ACTG1: variants seen among roughly 807,000 people sequenced by gnomAD.
ACTG1 encodes the protein actin gamma 1.
A neutral mutation model predicts 34.3 loss-of-function variants in ACTG1; 14 were observed. That is an observed-to-expected ratio of 0.41 (90% CI 0.27 to 0.64). The LOEUF is 0.64. Ranked by LOEUF, ACTG1 falls within the 30% of genes least tolerant of loss-of-function variation. The pLI, the probability that ACTG1 is intolerant of heterozygous loss-of-function variation, is 0.33. For missense variants in ACTG1, 233 were observed against 529.5 expected (o/e 0.44, Z 5.50); for synonymous variants, 422 against 213.9 (o/e 1.97, Z -8.49).
chr17:81,510,842 A>ACAGCCAGGCACGGCTT lies in ACTG1; in HGVS notation c.985-25_985-10dup, dbSNP rs1555666408. 6 of 1,612,788 alleles carry ACAGCCAGGCACGGCTT rather than the reference A, an allele frequency of 3.7e-6. No homozygotes were observed. The highest frequency in any genetic ancestry group is 5.1e-6 in the Non-Finnish European group (6 of 1,179,886). On this transcript the variant is annotated splice_polypyrimidine_tract_variant and intron_variant, in intron 5 of 5. Transcript: ENST00000573283. ...TCTGGGGGTGCGATGATCTGCAAAG[A>ACAGCCAGGCACGGCTT]CAGCCAGGCACGGCTTCAGCTCACA...
intron 3 of ACTG1, 104 bp from the exon 4 acceptor site, chr17:81,511,730 GA>G: frequency 6.6e-7 from 1 of 1,519,100 alleles, no homozygotes; most frequent in Non-Finnish European, 8.9e-7. Flanking sequence ...GTGGAGAAAA[GA>G]AAAGAACGCA....
chr17:81,512,770 A>T lies in ACTG1; in HGVS notation c.-43T>A, dbSNP rs1057522087. ...CGCGACGGCGGAGCGGCGGAAGAAC[A>T]GAGTGCGAGAGCTGGCAGCGGCGAC... On this transcript the variant is annotated 5_prime_UTR_variant, in exon 1 of 6. Coordinates refer to ENST00000573283, the MANE Select transcript of ACTG1 (RefSeq NM_001614.5). 59 of 414,382 alleles carry T rather than the reference A, an allele frequency of 1.4e-4. No individual in the cohort carries two copies. The highest frequency in any genetic ancestry group is 1.4e-3 in the Admixed American group (50 of 36,222). The allele number at this position is 414,382 out of a possible 1,614,324, so 25.7% of individuals were successfully genotyped here. A position where few individuals can be genotyped will look rare whatever the true frequency, so the allele number is the denominator to read the frequency against.
Position 81,510,337 on chromosome 17 carries a change from G to A in ACTG1, c.*353C>T, listed in dbSNP as rs1266781990. The A allele has an allele frequency of 4.5e-6, 2 of 444,256 alleles. No individual in the cohort carries two copies. Among genetic ancestry groups the A allele is most frequent in the East Asian group, 6.3e-5 (1 of 15,824 alleles). The allele number at this position is 444,256 out of a possible 1,614,324, so 27.5% of individuals were successfully genotyped here. Reference sequence around the variant, plus strand: ...CCCTGACACGTTAATACCCTGCACAGATCAGAGGCTGCTGGCCACACAGAC... The same window carrying A: ...CCCTGACACGTTAATACCCTGCACAAATCAGAGGCTGCTGGCCACACAGAC... On this transcript the variant is annotated 3_prime_UTR_variant, in exon 6 of 6. Coordinates refer to ENST00000573283, the MANE Select transcript of ACTG1 (RefSeq NM_001614.5).
At chr17:81,512,543 G>C (rs555742227) in intron 1 of ACTG1, 183 bp from the exon 2 acceptor site, 4 of 992,430 alleles carry the variant, frequency 4.0e-6, no homozygotes, top group Non-Finnish European at 6.0e-6. Flanking sequence ...CGGCTCGGAA[G>C]TCTGCACTGC....
At chr17:81,512,200 A>C (rs2031846210) in intron 2 of ACTG1, 32 bp downstream of exon 2, 2 of 1,613,080 alleles carry the variant, frequency 1.2e-6, no homozygotes, top group Non-Finnish European at 1.7e-6. Context: ...CGCAACGCAG[A>C]ACCCAGGAGC....
At chr17:81,512,689 G>A (rs2031895324) in intron 1 of ACTG1, 45 bp downstream of exon 1, 1 of 398,630 alleles carries the variant, frequency 2.5e-6, no homozygotes, top group South Asian at 2.0e-5. Context: ...GTCGGGGGGC[G>A]CAGGCCTGCG....
chr17:81,511,494 A>AG lies in ACTG1; in HGVS notation c.495dup (p.Tyr166LeufsTer30). 1 of 1,613,900 alleles carries AG rather than the reference A, an allele frequency of 6.2e-7. No homozygotes were observed. ...GCGTGGGGGAGGGCGTAGCCCTCGTAGATGGGCACCGTGTGGGTGACCCCG... is the reference window on the plus strand; with the variant it reads ...GCGTGGGGGAGGGCGTAGCCCTCGTAGGATGGGCACCGTGTGGGTGACCCCG... On this transcript the variant is annotated frameshift_variant, in exon 4 of 6. Coordinates refer to ENST00000573283, the MANE Select transcript of ACTG1 (RefSeq NM_001614.5). LOFTEE classifies it high-confidence loss of function.
At position 81,511,115 on chromosome 17, in the gene ACTG1, G is replaced by A. The variant is rs150136833; in HGVS notation, c.803-7C>T. On this transcript the variant is annotated splice_polypyrimidine_tract_variant and splice_region_variant and intron_variant, in intron 4 of 5. Transcript: ENST00000573283. The stretch of plus-strand genomic sequence containing the variant: ...ATGCCGCAAGATTCCATACCTAGGG[G>A]ACAGAGCCCTCCCTTAGTGATGCTG... 78 of 1,613,952 alleles carry A rather than the reference G, an allele frequency of 4.8e-5. No homozygotes were observed. Among genetic ancestry groups the A allele is most frequent in the Middle Eastern group, 3.3e-4 (2 of 6,062 alleles).
At chr17:81,512,392 CGTCT>C in intron 1 of ACTG1, 32 bp from the exon 2 acceptor site, 1 of 1,613,614 alleles carries the variant, frequency 6.2e-7, no homozygotes, top group Non-Finnish European at 8.5e-7. Flanking sequence ...CAGGCGGGCG[CGTCT>C]GTAACACGGT....
chr17:81,512,713 G>C (rs1162594781), intron 1 of ACTG1, 21 bp downstream of exon 1: 3 of 406,914 alleles, frequency 7.4e-6, no homozygotes. Context: ...TCCAGCTCAG[G>C]CCCCGGGGCG....
chr17:81,510,464 G>A lies in ACTG1; in HGVS notation c.*226C>T, dbSNP rs1305226350. ...GGTTGAACTCAAAGATATGTACAGG[G>A]TATTAAACAAATACCAAGGGGAACA... is the stretch of plus-strand genomic sequence containing the variant. On this transcript the variant is annotated 3_prime_UTR_variant, in exon 6 of 6. Transcript: ENST00000573283. 3.9e-5 allele frequency: 27 copies of A among 698,002 alleles called. No individual in the cohort carries two copies. Among genetic ancestry groups the A allele is most frequent in the Admixed American group, 1.6e-4 (8 of 48,982 alleles). The allele number at this position is 698,002 out of a possible 1,614,324, so 43.2% of individuals were successfully genotyped here.
chr17:81,511,830 T>G, intron 3 of ACTG1, 73 bp downstream of exon 3: 1 of 1,607,842 alleles, frequency 6.2e-7, no homozygotes, highest in Non-Finnish European at 8.5e-7. Flanking sequence ...AACACTTAAA[T>G]GTCAGAAATC....
Position 81,512,056 on chromosome 17 carries a change from G to T in ACTG1, c.210C>A (p.Pro70=). The T allele has an allele frequency of 6.2e-7, 1 of 1,614,010 alleles. No individual in the cohort carries two copies. The highest frequency in any genetic ancestry group is 2.2e-5 in the East Asian group (1 of 44,878). The change falls in exon 3 of 6, where the codon CCC becomes CCA. Residue 70 remains proline, a synonymous_variant. Transcript: ENST00000573283. ...AGTTGGTGACGATGCCATGCTCAAT[G>T]GGGTACTTCAGGGTCAGGATGCCAC... ...SKRGILTLKY[P]IEHGIVTNWD...
In ACTG1 at chr17:81,512,798, A is replaced by C. The variant is rs1325480280; in HGVS notation, c.-71T>G. The C allele has an allele frequency of 1.5e-5, 6 of 409,266 alleles. No homozygotes were observed. The highest frequency in any genetic ancestry group is 8.8e-5 in the African/African-American group (4 of 45,476). The allele number at this position is 409,266 out of a possible 1,614,324, so 25.4% of individuals were successfully genotyped here. On this transcript the variant is annotated 5_prime_UTR_variant, in exon 1 of 6. Coordinates refer to ENST00000573283, the MANE Select transcript of ACTG1 (RefSeq NM_001614.5). ...GTGCGAGAGCTGGCAGCGGCGACTGAGACCGACCGCGGCCTCCCCCGCCGT... is the reference window on the plus strand; with the variant it reads ...GTGCGAGAGCTGGCAGCGGCGACTGCGACCGACCGCGGCCTCCCCCGCCGT...
At chr17:81,512,425 T>A (rs2031871369) in intron 1 of ACTG1, 65 bp from the exon 2 acceptor site, 1 of 1,612,572 alleles carries the variant, frequency 6.2e-7, no homozygotes, top group Non-Finnish European at 8.5e-7. Flanking sequence ...CACAGCCACC[T>A]AATGCCCTCC....
Position 81,512,775 on chromosome 17 carries a change from G to C in ACTG1, c.-48C>G, listed in dbSNP as rs567737230. 1 of 417,650 alleles carries C rather than the reference G, an allele frequency of 2.4e-6. No individual in the cohort carries two copies. The highest frequency in any genetic ancestry group is 2.7e-5 in the Admixed American group (1 of 37,048). 25.9% of individuals were successfully genotyped at this position (417,650 alleles called of 1,614,324 possible). A position where few individuals can be genotyped will look rare whatever the true frequency, so the allele number is the denominator to read the frequency against. On this transcript the variant is annotated 5_prime_UTR_variant, in exon 1 of 6. Transcript: ENST00000573283. Reference sequence around the variant, plus strand: ...CGGCGGAGCGGCGGAAGAACAGAGTGCGAGAGCTGGCAGCGGCGACTGAGA... The same window carrying C: ...CGGCGGAGCGGCGGAAGAACAGAGTCCGAGAGCTGGCAGCGGCGACTGAGA...
At chr17:81,511,729 AG>A (rs782689675) in intron 3 of ACTG1, 103 bp from the exon 4 acceptor site, 4 of 1,518,834 alleles carry the variant, frequency 2.6e-6, no homozygotes, top group Middle Eastern at 3.6e-4. Flanking sequence ...TGTGGAGAAA[AG>A]AAAAGAACGC....
At position 81,511,289 on chromosome 17, in the gene ACTG1, G is replaced by C. The variant is rs11549179; in HGVS notation, c.701C>G (p.Ser234Cys). Reference sequence around the variant, plus strand: ...CAGCTCGTAGCTCTTCTCCAGAGAAGAGGAGGATGCGGCGGTGGCCATCTC... The same window carrying C: ...CAGCTCGTAGCTCTTCTCCAGAGAACAGGAGGATGCGGCGGTGGCCATCTC... ...EQEMATAASS[S>C]SLEKSYELPD... is the part of the protein sequence containing the mutation. The change falls in exon 4 of 6, where the codon TCT becomes TGT. Residue 234 changes from serine to cysteine, a missense_variant. By Grantham distance (112) the Ser-to-Cys change is moderately radical. Transcript: ENST00000573283. The C allele has an allele frequency of 1.2e-6, 2 of 1,613,866 alleles. No individual in the cohort carries two copies. Among genetic ancestry groups the C allele is most frequent in the Non-Finnish European group, 1.7e-6 (2 of 1,180,038 alleles).
In ACTG1 at chr17:81,512,047, A is replaced by C; in HGVS notation, c.219T>G (p.His73Gln). 1 of 1,614,006 alleles carries C rather than the reference A, an allele frequency of 6.2e-7. No individual in the cohort carries two copies. The highest frequency in any genetic ancestry group is 8.5e-7 in the Non-Finnish European group (1 of 1,180,034). Reference protein sequence around the residue: ...GILTLKYPIEHGIVTNWDDME... With the variant: ...GILTLKYPIEQGIVTNWDDME... The stretch of plus-strand genomic sequence containing the variant: ...TGTCGTCCCAGTTGGTGACGATGCC[A>C]TGCTCAATGGGGTACTTCAGGGTCA... Residue 73 changes from histidine to glutamine, a missense_variant, in exon 3 of 6, where the codon CAT (histidine) becomes CAG (glutamine). Transcript: ENST00000573283.
Sources: allele counts gnomAD v4.1 joint callset, GRCh38; gene constraint gnomAD v4.1.1; transcripts MANE v1.5; gene names NCBI Gene and HGNC (gene_info 2026-07-23, HGNC 2026-07-21).